XYLT1: variants seen among roughly 807,000 people sequenced by gnomAD.
XYLT1 encodes xylosyltransferase 1.
A neutral mutation model predicts 91.3 loss-of-function variants in XYLT1; 36 were observed. That is an observed-to-expected ratio of 0.39 (90% CI 0.30 to 0.52). XYLT1 has a LOEUF of 0.52. XYLT1 is among the 20% of genes least tolerant of loss of function. The pLI, the probability that XYLT1 is intolerant of heterozygous loss-of-function variation, is 0.68. For synonymous variants in XYLT1, 588 were observed against 532.0 expected (o/e 1.11, Z -1.45); for missense variants, 1,242 against 1,284.5 (o/e 0.97, Z 0.51).
At chr16:17,136,018 T>TATTA (rs1366487406) in intron 8 of XYLT1, among the ~76,000 whole-genome samples, 1 of 152,162 alleles carries the variant, frequency 6.6e-6, no homozygotes, top group African/African-American at 2.4e-5. Context: ...TTGAGGAGCT[T>TATTA]ATTATTGTCT....
intron 1 of XYLT1, among the ~76,000 whole-genome samples, chr16:17,367,124 C>G (rs892691127): frequency 1.3e-5 from 2 of 152,196 alleles, no homozygotes; most frequent in African/African-American, 4.8e-5. Context: ...CTGAGATGTT[C>G]TACCAGAGCC....
chr16:17,173,551 G>A (rs545608594), intron 5 of XYLT1, among the ~76,000 whole-genome samples: 3 of 152,358 alleles, frequency 2.0e-5, no homozygotes, highest in East Asian at 1.9e-4. Context: ...CTTGGCTAGC[G>A]CCATGTCTGG....
chr16:17,469,188 T>C lies in XYLT1; in HGVS notation c.363+1246A>G, dbSNP rs184794287. ...ACAGACTCCGAAGAAGTTTAGCAGC[T>C]CAGAAAGCATCACGCTGTGTACTAA... On this transcript the variant is annotated intron_variant, in intron 1 of 11. Transcript: ENST00000261381. 3.3e-5 allele frequency among the ~76,000 whole-genome samples: 5 copies of C among 152,320 alleles called. No individual in the cohort carries two copies. In the East Asian group the frequency reaches 9.7e-4, roughly 29 times the overall value.
At chr16:17,321,305 T>C (rs951282392) in intron 2 of XYLT1, among the ~76,000 whole-genome samples, 1 of 146,752 alleles carries the variant, frequency 6.8e-6, no homozygotes, top group African/African-American at 2.5e-5. Context: ...TTTACTGTAA[T>C]AGCCCACATT....
At chr16:17,118,026 G>C in intron 10 of XYLT1, 47 bp from the exon 11 acceptor site, 1 of 1,560,480 alleles carries the variant, frequency 6.4e-7, no homozygotes, top group Non-Finnish European at 8.7e-7. Flanking sequence ...TGAACTAGGG[G>C]GCTAGGTCTC....
intron 2 of XYLT1, among the ~76,000 whole-genome samples, chr16:17,330,549 G>C (rs1007256367): frequency 1.3e-5 from 2 of 152,198 alleles, no homozygotes; most frequent in Admixed American, 1.3e-4. Context: ...CACTTTGGGA[G>C]GCCGAGGCAG....
At chr16:17,432,627 A>G in intron 1 of XYLT1, among the ~76,000 whole-genome samples, 1 of 152,194 alleles carries the variant, frequency 6.6e-6, no homozygotes, top group East Asian at 1.9e-4. Context: ...ACTAAAAATT[A>G]TTGCATAGAA....
intron 2 of XYLT1, among the ~76,000 whole-genome samples, chr16:17,353,672 T>A (rs59970160): frequency 0.044 from 6,695 of 152,004 alleles, 531 homozygotes; most frequent in African/African-American, 0.15. Flanking sequence ...TCTACCCATA[T>A]ATCTAAGTAC....
rs940541243 is a variant in XYLT1 at position 17,429,435 on chromosome 16, C to T, written c.363+40999G>A. On this transcript the variant is annotated intron_variant, in intron 1 of 11. Coordinates refer to ENST00000261381, the MANE Select transcript of XYLT1 (RefSeq NM_022166.4). ...ATGTTGCTCTCACCTCCAAGGATGG[C>T]GAATTCTTAAGTTCTTTTGTTCCAA... Among the ~76,000 whole-genome samples the T allele has an allele frequency of 2.0e-5, 3 of 152,272 alleles. 1 individual carries two copies. The South Asian group carries it at 6.2e-4, about 32-fold the overall frequency.
At chr16:17,232,423 G>C (rs1383580428) in intron 3 of XYLT1, among the ~76,000 whole-genome samples, 1 of 98,888 alleles carries the variant, frequency 1.0e-5, no homozygotes, top group Admixed American at 1.3e-4. Flanking sequence ...GTGTGTGTGT[G>C]TGTGTGTATA....
At chr16:17,444,119 T>A (rs764422672) in intron 1 of XYLT1, among the ~76,000 whole-genome samples, 1 of 150,932 alleles carries the variant, frequency 6.6e-6, no homozygotes, top group African/African-American at 2.5e-5. Flanking sequence ...GAGGTCCTCA[T>A]AATGTTTCCT....
At chr16:17,155,723 C>T (rs564476621) in intron 6 of XYLT1, among the ~76,000 whole-genome samples, 19 of 152,278 alleles carry the variant, frequency 1.2e-4, no homozygotes, top group Non-Finnish European at 2.6e-4. Context: ...CAGCTGGGGA[C>T]TCACACGCAA....
intron 2 of XYLT1, among the ~76,000 whole-genome samples, chr16:17,268,803 G>A (rs1323296870): frequency 2.0e-5 from 3 of 151,772 alleles, no homozygotes; most frequent in Admixed American, 2.0e-4. Context: ...TTCCCAAGTA[G>A]CACGGATTAC....
chr16:17,207,434 C>A (rs1009006972), intron 3 of XYLT1, among the ~76,000 whole-genome samples: 1 of 152,248 alleles, frequency 6.6e-6, no homozygotes, highest in African/African-American at 2.4e-5. Flanking sequence ...TGTAGGATGC[C>A]AGCCTTGCCC....
chr16:17,374,841 C>T (rs983178624), intron 1 of XYLT1, among the ~76,000 whole-genome samples: 3 of 152,192 alleles, frequency 2.0e-5, no homozygotes, highest in Non-Finnish European at 4.4e-5. Flanking sequence ...CCACCTCCCA[C>T]ACATAACCAA....
rs1294077633 is a variant in XYLT1, at chr16:17,470,618, G to A, written c.179C>T (p.Ala60Val). ...CCGGCGCTCCCGGCGCGGGGCCGGG[G>A]CCGGGGGCGGCTGCTCCCCGCCGCC... ...AVGGGEQPPP[A>V]PAPRRERRDL... is the part of the protein sequence containing the mutation. The change falls in exon 1 of 12, where the codon GCC (alanine) becomes GTC (valine). Residue 60 changes from alanine to valine, a missense_variant. Transcript: ENST00000261381. 2.4e-5 allele frequency: 27 copies of A among 1,123,194 alleles called. No individual in the cohort carries two copies. Among genetic ancestry groups the A allele is most frequent in the Non-Finnish European group, 2.8e-5 (26 of 922,120 alleles). 69.6% of individuals were successfully genotyped at this position (1,123,194 alleles called of 1,614,324 possible). A position where few individuals can be genotyped will look rare whatever the true frequency, so the allele number is the denominator to read the frequency against.
chr16:17,397,322 G>T (rs1293958117), intron 1 of XYLT1, among the ~76,000 whole-genome samples: 1 of 152,174 alleles, frequency 6.6e-6, no homozygotes, highest in Admixed American at 6.5e-5. Flanking sequence ...TCACAGAACG[G>T]TGGCTCATGG....
intron 2 of XYLT1, among the ~76,000 whole-genome samples, chr16:17,331,798 C>G (rs983718511): frequency 6.6e-6 from 1 of 152,142 alleles, no homozygotes; most frequent in African/African-American, 2.4e-5. Context: ...TGGTATAAGG[C>G]CTAAAATTAA....
chr16:17,319,864 T>A (rs1474097341), intron 2 of XYLT1, among the ~76,000 whole-genome samples: 1 of 152,218 alleles, frequency 6.6e-6, no homozygotes, highest in East Asian at 1.9e-4. Context: ...GCCTATGTCA[T>A]CTGGCCCCTT....
Sources: gnomAD v4.1 joint callset for allele counts (sites outside exome capture counted in the v4.1 genomes callset) on GRCh38, gnomAD v4.1.1 for gene constraint, MANE v1.5 for transcripts, NCBI Gene and HGNC (gene_info 2026-07-23, HGNC 2026-07-21) for gene names.